The following TG variants were observed in gnomAD, a reference collection of about 807,000 sequenced individuals.
TG encodes the protein thyroid hormones.
In TG, 270 loss-of-function variants were observed where a neutral mutation model predicts 324.7. The ratio of observed to expected loss-of-function variants is 0.83; its 90% confidence interval spans 0.75 to 0.92. The LOEUF is 0.92. Among genes scored for constraint, TG ranks in the 40% least tolerant of loss-of-function variants. The probability of loss-of-function intolerance (pLI) is 0.00; values close to 1 mark genes in which losing one functional copy is unlikely to be tolerated. For missense variants in TG, 3,591 were observed against 3,456.4 expected, an observed-to-expected ratio of 1.04 and a Z score of -0.98; for synonymous variants, 1,401 against 1,327.0, an observed-to-expected ratio of 1.06 and a Z score of -1.21.
intron 27 of TG, among the ~76,000 whole-genome samples, chr8:132,949,620 C>T (rs1229278375): frequency 6.6e-6 from 1 of 152,228 alleles, no homozygotes; most frequent in Admixed American, 6.5e-5. Flanking sequence ...ACCAATTGTA[C>T]TGCCCACTCT....
At chr8:133,106,566 G>A (rs534951356) in intron 43 of TG, 28 of 570,596 alleles carry the variant, frequency 4.9e-5, no homozygotes, top group Admixed American at 3.2e-4. Flanking sequence ...TGACCCCGTG[G>A]ACCTCGCTGC....
chr8:132,933,530 C>T, intron 23 of TG, 31 bp from the exon 24 acceptor site: 1 of 1,607,444 alleles, frequency 6.2e-7, no homozygotes, highest in Non-Finnish European at 8.5e-7. Context: ...CCGGGAAAGC[C>T]AGGTGAGTGA....
At chr8:132,957,556 A>G (rs528373604) in intron 27 of TG, among the ~76,000 whole-genome samples, 4 of 152,218 alleles carry the variant, frequency 2.6e-5, no homozygotes, top group African/African-American at 9.6e-5. Context: ...AGTCTCAGAG[A>G]GAGTGAAATA....
intron 41 of TG, chr8:133,087,693 T>C (rs545056584): frequency 6.6e-6 from 1 of 152,322 alleles, no homozygotes; most frequent in South Asian, 2.1e-4. Context: ...AAAAAGCCAA[T>C]AGAACTCCTC....
chr8:133,051,287 C>G (rs2252696), intron 41 of TG, among the ~76,000 whole-genome samples: 2 of 151,938 alleles, frequency 1.3e-5, no homozygotes, highest in African/African-American at 2.4e-5. Context: ...TTCCAGGGTC[C>G]TTAGGAGAGG....
At chr8:132,937,750 GT>G (rs1823815948) in intron 25 of TG, among the ~76,000 whole-genome samples, 1 of 122,700 alleles carries the variant, frequency 8.1e-6, no homozygotes, top group African/African-American at 2.5e-5. Flanking sequence ...TTGTATTTCT[GT>G]TTAAGTGTTT....
At chr8:133,118,566 C>G (rs190045644) in intron 45 of TG, among the ~76,000 whole-genome samples, 3 of 152,108 alleles carry the variant, frequency 2.0e-5, no homozygotes, top group Admixed American at 6.5e-5. Context: ...CTCAAGTGAT[C>G]GATCTGCCTC....
At chr8:132,868,613 G>T (rs1453964266) in intron 2 of TG, among the ~76,000 whole-genome samples, 3 of 152,234 alleles carry the variant, frequency 2.0e-5, no homozygotes, top group Admixed American at 1.3e-4. Context: ...CTCTTGAGAA[G>T]CTGGGGTGGT....
chr8:132,879,203 G>T (rs1467578262), intron 5 of TG, among the ~76,000 whole-genome samples: 1 of 152,230 alleles, frequency 6.6e-6, no homozygotes, highest in Non-Finnish European at 1.5e-5. Flanking sequence ...AAATGGAATT[G>T]TGGGCACACA....
intron 27 of TG, among the ~76,000 whole-genome samples, chr8:132,960,595 C>T (rs1033363): frequency 0.76 from 114,944 of 152,190 alleles, 43,776 homozygotes; most frequent in African/African-American, 0.84. Context: ...ATAGTTTATA[C>T]ACAGTATTCC....
intron 28 of TG, among the ~76,000 whole-genome samples, chr8:132,961,347 C>T (rs1467167570): frequency 6.6e-6 from 1 of 152,140 alleles, no homozygotes; most frequent in African/African-American, 2.4e-5. Context: ...ACAAGACACC[C>T]TTGTTCCTAG....
intron 29 of TG, chr8:132,964,461 A>G: frequency 6.4e-6 from 1 of 156,344 alleles, no homozygotes; most frequent in Non-Finnish European, 1.4e-5. Flanking sequence ...GGGCTCGTTT[A>G]CTCAGACGGT....
intron 35 of TG, chr8:132,995,398 A>G (rs958424581): frequency 1.0e-6 from 1 of 985,170 alleles, no homozygotes; most frequent in African/African-American, 1.7e-5. Context: ...GTGCCGCCTT[A>G]GGAGTCTGTC....
At chr8:132,905,269 A>G (rs1818514890) in intron 16 of TG, among the ~76,000 whole-genome samples, 1 of 152,202 alleles carries the variant, frequency 6.6e-6, no homozygotes, top group South Asian at 2.1e-4. Context: ...CATAGCCTGC[A>G]GGCTGGTCCA....
intron 35 of TG, among the ~76,000 whole-genome samples, chr8:132,985,286 C>T (rs1831381674): frequency 6.6e-6 from 1 of 152,118 alleles, no homozygotes; most frequent in Non-Finnish European, 1.5e-5. Flanking sequence ...TTAAAGTATA[C>T]AGAGAATGTG....
At chr8:132,875,206 A>G (rs1265058853) in intron 5 of TG, among the ~76,000 whole-genome samples, 2 of 152,228 alleles carry the variant, frequency 1.3e-5, no homozygotes, top group Admixed American at 6.5e-5. Context: ...AGCCAGCTTC[A>G]GCAAATGTAG....
At chr8:133,068,292 G>A (rs1843405263) in intron 41 of TG, among the ~76,000 whole-genome samples, 1 of 152,192 alleles carries the variant, frequency 6.6e-6, no homozygotes, top group South Asian at 2.1e-4. Context: ...ACATGTCCAG[G>A]AGCCTGTATG....
Position 132,898,883 on chromosome 8 carries a change from A to G in TG, c.3303A>G (p.Lys1101=). 6.2e-7 allele frequency: 1 copy of G among 1,614,170 alleles called. No homozygotes were observed. The highest frequency in any genetic ancestry group is 1.1e-5 in the South Asian group (1 of 91,074). Residue 1101 remains lysine (K), a synonymous_variant, in exon 14 of 48, where the codon AAA becomes AAG. Coordinates refer to ENST00000220616, the MANE Select transcript of TG (RefSeq NM_003235.5). ...GATCCCAAGAAAACCCATCTCCAAA[A>G]GACCTGTTCGTCCCAGCCTGCCTAG... ...QARSQENPSP[K]DLFVPACLET...
At chr8:133,019,565 G>T (rs1476539610) in intron 38 of TG, 37 bp from the exon 39 acceptor site, 1 of 1,586,614 alleles carries the variant, frequency 6.3e-7, no homozygotes, top group African/African-American at 1.3e-5. Flanking sequence ...GGTGGTGATG[G>T]AGCATGTCTT....
Sources: allele counts gnomAD v4.1 joint callset (sites outside exome capture counted in the v4.1 genomes callset), GRCh38; gene constraint gnomAD v4.1.1; transcripts MANE v1.5; gene names NCBI Gene and HGNC (gene_info 2026-07-23, HGNC 2026-07-21).